OR2AT4: variants seen among roughly 807,000 people sequenced by gnomAD.
OR2AT4 encodes olfactory receptor family 2 subfamily AT member 4, also known as olfactory receptor 2AT4.
A neutral mutation model predicts 10.3 loss-of-function variants in OR2AT4; 6 were observed. The observed-to-expected ratio is 0.58, with a 90% confidence interval of 0.32 to 1.15. OR2AT4 has a LOEUF of 1.15. Ranked by LOEUF, OR2AT4 falls within the 50% of genes most tolerant of loss-of-function variation. The pLI is 0.05. For missense variants in OR2AT4, 354 were observed against 393.8 expected (o/e 0.90, Z 0.85); for synonymous variants, 145 against 159.1 (o/e 0.91, Z 0.67).
intron 1 of OR2AT4, 69 bp from the exon 2 acceptor site, chr11:75,090,433 A>G (rs1949316000): frequency 6.6e-6 from 1 of 152,258 alleles, no homozygotes; most frequent in Admixed American, 6.5e-5. Context: ...ACCTGGATAA[A>G]TTACACAAAT....
chr11:75,088,671 A>G, exon 2 of OR2AT4: 1 of 1,215,680 alleles, frequency 8.2e-7, no homozygotes, highest in Non-Finnish European at 1.1e-6. Flanking sequence ...ACATTATTTC[A>G]TTATCATGTA....
intron 1 of OR2AT4, among the ~76,000 whole-genome samples, chr11:75,093,968 A>G (rs1231303136): frequency 6.6e-6 from 1 of 151,140 alleles, no homozygotes; most frequent in Non-Finnish European, 1.5e-5. Flanking sequence ...GATTACAGGC[A>G]TGTGCCATCA....
At chr11:75,090,296 T>C (rs141271592) in exon 2 of OR2AT4, 1 of 153,104 alleles carries the variant, frequency 6.5e-6, no homozygotes, top group Non-Finnish European at 1.5e-5. Context: ...TTATTAAGTT[T>C]CTTTCTTGTA....
chr11:75,085,676 C>T (rs1949287350), exon 2 of OR2AT4: 1 of 151,890 alleles, frequency 6.6e-6, no homozygotes, highest in African/African-American at 2.4e-5. Context: ...GGGTTCATCC[C>T]AGGAATGCAG....
At chr11:75,088,795 T>C (rs778374080) in exon 2 of OR2AT4, 1 of 1,587,996 alleles carries the variant, frequency 6.3e-7, no homozygotes, top group Non-Finnish European at 8.6e-7. Context: ...ATGATTTTGG[T>C]GATGGCTGCC....
chr11:75,081,774 A>G (rs1371583193), exon 2 of OR2AT4: 2 of 152,226 alleles, frequency 1.3e-5, no homozygotes, highest in Admixed American at 6.5e-5. Flanking sequence ...AATCCCATTT[A>G]TAATAGCCAC....
At chr11:75,093,656 C>T (rs1949331171) in intron 1 of OR2AT4, among the ~76,000 whole-genome samples, 1 of 152,078 alleles carries the variant, frequency 6.6e-6, no homozygotes, top group South Asian at 2.1e-4. Context: ...AGATGATTAC[C>T]TGATGATCTG....
At chr11:75,083,586 T>C (rs1427715643) in exon 2 of OR2AT4, 2 of 152,232 alleles carry the variant, frequency 1.3e-5, no homozygotes, top group African/African-American at 4.8e-5. Flanking sequence ...AAAAGACACA[T>C]GCACTCATAT....
exon 2 of OR2AT4, chr11:75,082,451 A>T (rs1949271013): frequency 6.6e-6 from 1 of 151,830 alleles, no homozygotes; most frequent in South Asian, 2.1e-4. Flanking sequence ...AAAGTATAAT[A>T]AAATAAATAA....
At chr11:75,082,308 G>C (rs12292336) in exon 2 of OR2AT4, 3 of 152,010 alleles carry the variant, frequency 2.0e-5, no homozygotes, top group Admixed American at 6.6e-5. Flanking sequence ...GTGCTGGGGT[G>C]GGGGAGTGGG....
chr11:75,093,918 G>T (rs1451231001), intron 1 of OR2AT4, among the ~76,000 whole-genome samples: 1 of 140,038 alleles, frequency 7.1e-6, no homozygotes, highest in Non-Finnish European at 1.5e-5. Context: ...GCCCTCCCGG[G>T]TTCAAGTGAT....
chr11:75,087,446 G>A (rs993801181), exon 2 of OR2AT4: 5 of 152,234 alleles, frequency 3.3e-5, no homozygotes, highest in Middle Eastern at 6.8e-3. Flanking sequence ...TCTAGCTGGG[G>A]GTAGTGGTGC....
At chr11:75,090,120 G>A (rs946178994) in exon 2 of OR2AT4, 1 of 173,624 alleles carries the variant, frequency 5.8e-6, no homozygotes, top group Non-Finnish European at 1.2e-5. Flanking sequence ...GCTTCTTCTG[G>A]TCTTCATCTT....
exon 2 of OR2AT4, chr11:75,082,488 G>T (rs1047567691): frequency 6.6e-6 from 1 of 151,988 alleles, no homozygotes; most frequent in Non-Finnish European, 1.5e-5. Flanking sequence ...TGCTAGGATA[G>T]CTGGCTAGCC....
At chr11:75,082,556 A>G (rs1949271621) in exon 2 of OR2AT4, 1 of 152,192 alleles carries the variant, frequency 6.6e-6, no homozygotes, top group African/African-American at 2.4e-5. Flanking sequence ...AATTAACTCA[A>G]GATAGATTAA....
At chr11:75,084,390 A>G (rs1406125074) in exon 2 of OR2AT4, 5 of 152,228 alleles carry the variant, frequency 3.3e-5, no homozygotes, top group Admixed American at 2.6e-4. Context: ...GAAGGGAGAA[A>G]TGGACAAATC....
At chr11:75,094,496 C>T (rs1410435528) in intron 1 of OR2AT4, among the ~76,000 whole-genome samples, 1 of 152,058 alleles carries the variant, frequency 6.6e-6, no homozygotes, top group Non-Finnish European at 1.5e-5. Context: ...ACCTGTAATC[C>T]CAGAACTTTG....
chr11:75,095,677 CTT>C (rs11314522), intron 1 of OR2AT4, among the ~76,000 whole-genome samples: 121 of 127,778 alleles, frequency 9.5e-4, no homozygotes, highest in Admixed American at 5.1e-3. Flanking sequence ...CACCTAACCT[CTT>C]TTTTTTTTTT....
chr11:75,086,999 C>T (rs1306664704), exon 2 of OR2AT4: 5 of 152,070 alleles, frequency 3.3e-5, no homozygotes, highest in South Asian at 4.1e-4. Flanking sequence ...TAGCCATATG[C>T]ATTTAAATTT....
Sources: allele counts gnomAD v4.1 joint callset (sites outside exome capture counted in the v4.1 genomes callset), GRCh38; gene constraint gnomAD v4.1.1; transcripts MANE v1.5; gene names NCBI Gene and HGNC (gene_info 2026-07-23, HGNC 2026-07-21).